Variants in CDH18 observed in about 807,000 individuals in gnomAD.
The protein encoded by CDH18 is cadherin 18, also known as cadherin-18.
Under a neutral mutation model 67.9 loss-of-function variants are expected in CDH18, and 31 were observed. The ratio of observed to expected loss-of-function variants is 0.46; its 90% CI spans 0.34 to 0.62. The LOEUF (loss-of-function observed/expected upper bound fraction) is 0.62, where lower values mean the gene tolerates loss of function less well. Among genes scored for constraint, CDH18 ranks in the 20% least tolerant of loss-of-function variants. The probability of loss-of-function intolerance (pLI) is 0.01; values close to 1 mark genes in which losing one functional copy is unlikely to be tolerated. For synonymous variants in CDH18, 362 were observed against 347.2 expected, an observed-to-expected ratio of 1.04 and a Z score of -0.48; for missense variants, 890 against 975.5, an observed-to-expected ratio of 0.91 and a Z score of 1.17.
chr5:19,536,800 C>A (rs1281750622), intron 9 of CDH18, among the ~76,000 whole-genome samples: 1 of 152,062 alleles, frequency 6.6e-6, no homozygotes, highest in Non-Finnish European at 1.5e-5. Flanking sequence ...TATTTGTTCC[C>A]ATGGAACACA....
At chr5:19,480,042 G>T (rs1021213727) in intron 12 of CDH18, among the ~76,000 whole-genome samples, 2 of 151,942 alleles carry the variant, frequency 1.3e-5, no homozygotes, top group Non-Finnish European at 2.9e-5. Context: ...TTACATTTTT[G>T]ATATTTATCT....
chr5:20,185,083 T>A (rs2126697507), intron 2 of CDH18, among the ~76,000 whole-genome samples: 1 of 152,198 alleles, frequency 6.6e-6, no homozygotes, highest in South Asian at 2.1e-4. Context: ...CTAAAAAATT[T>A]CCAATAAATA....
chr5:20,314,860 AATG>A (rs1737323270), intron 1 of CDH18, among the ~76,000 whole-genome samples: 1 of 151,562 alleles, frequency 6.6e-6, no homozygotes, highest in Non-Finnish European at 1.5e-5. Context: ...TGTATACAAA[AATG>A]ATGAGAAATT....
At chr5:20,470,417 T>C (rs956586324) in intron 1 of CDH18, among the ~76,000 whole-genome samples, 6 of 152,216 alleles carry the variant, frequency 3.9e-5, no homozygotes, top group Admixed American at 2.0e-4. Context: ...CTTTAATCTT[T>C]AAGGTAATTC....
intron 2 of CDH18, among the ~76,000 whole-genome samples, chr5:19,950,050 A>C (rs1487404772): frequency 1.3e-5 from 2 of 151,236 alleles, no homozygotes; most frequent in African/African-American, 4.8e-5. Flanking sequence ...AATAAATATG[A>C]GATATATACA....
chr5:19,642,779 A>T (rs1484997558), intron 5 of CDH18, among the ~76,000 whole-genome samples: 1 of 152,036 alleles, frequency 6.6e-6, no homozygotes, highest in Non-Finnish European at 1.5e-5. Context: ...ATTTTTTTGG[A>T]TAATTACCCC....
intron 2 of CDH18, among the ~76,000 whole-genome samples, chr5:20,169,087 G>A (rs920890929): frequency 2.0e-5 from 3 of 152,072 alleles, no homozygotes; most frequent in South Asian, 2.1e-4. Context: ...AAAGATGACT[G>A]TAGTGAATAA....
intron 6 of CDH18, among the ~76,000 whole-genome samples, chr5:19,602,386 T>C (rs1747282408): frequency 6.6e-6 from 1 of 152,026 alleles, no homozygotes; most frequent in African/African-American, 2.4e-5. Context: ...ATGTGTGCAC[T>C]GACAATGACA....
chr5:20,303,732 A>T (rs1259216275), intron 1 of CDH18, among the ~76,000 whole-genome samples: 1 of 152,146 alleles, frequency 6.6e-6, no homozygotes, highest in African/African-American at 2.4e-5. Context: ...CCTTTGGGAA[A>T]GCGAATTGAT....
chr5:19,970,387 T>G (rs1797908734), intron 2 of CDH18, among the ~76,000 whole-genome samples: 1 of 151,686 alleles, frequency 6.6e-6, no homozygotes, highest in Non-Finnish European at 1.5e-5. Context: ...AAAATTAAAT[T>G]TAGCAATAAG....
chr5:19,628,583 A>T (rs1336824822), intron 5 of CDH18, among the ~76,000 whole-genome samples: 1 of 152,112 alleles, frequency 6.6e-6, no homozygotes, highest in Non-Finnish European at 1.5e-5. Flanking sequence ...GGAATGAAGG[A>T]TGATCCAAAG....
chr5:20,006,789 AAT>A (rs1349368038), intron 2 of CDH18, among the ~76,000 whole-genome samples: 6 of 151,996 alleles, frequency 3.9e-5, no homozygotes, highest in Non-Finnish European at 4.4e-5. Context: ...AATTTTATAA[AAT>A]ATGTTAAAAA....
At chr5:20,361,658 C>T (rs532097495) in intron 1 of CDH18, among the ~76,000 whole-genome samples, 6 of 152,120 alleles carry the variant, frequency 3.9e-5, no homozygotes, top group African/African-American at 1.4e-4. Flanking sequence ...GGGAGTTATA[C>T]TGGCAAATAT....
intron 2 of CDH18, among the ~76,000 whole-genome samples, chr5:20,209,435 C>T (rs1175579154): frequency 6.6e-6 from 1 of 151,968 alleles, no homozygotes; most frequent in Non-Finnish European, 1.5e-5. Flanking sequence ...TAGTGAAATC[C>T]TGTCATTTGC....
At chr5:19,962,792 C>T (rs1056955437) in intron 2 of CDH18, among the ~76,000 whole-genome samples, 6 of 151,942 alleles carry the variant, frequency 3.9e-5, no homozygotes, top group African/African-American at 9.7e-5. Flanking sequence ...TAAATAAATA[C>T]ATCTTAAGGA....
At chr5:19,500,129 A>G (rs1232153271) in intron 11 of CDH18, among the ~76,000 whole-genome samples, 5 of 151,936 alleles carry the variant, frequency 3.3e-5, no homozygotes, top group African/African-American at 1.2e-4. Context: ...TACATAATAC[A>G]AAGCCCAAGC....
At chr5:19,947,824 T>G (rs1795425940) in intron 2 of CDH18, among the ~76,000 whole-genome samples, 1 of 151,810 alleles carries the variant, frequency 6.6e-6, no homozygotes, top group South Asian at 2.1e-4. Context: ...GTTAGCAGGC[T>G]AAAGAGACAG....
intron 2 of CDH18, among the ~76,000 whole-genome samples, chr5:20,138,130 T>G (rs778004665): frequency 6.6e-6 from 1 of 152,092 alleles, no homozygotes; most frequent in Non-Finnish European, 1.5e-5. Flanking sequence ...TCTAGTTGGC[T>G]TCATCCCTGG....
chr5:19,687,796 T>G (rs1020487006), intron 5 of CDH18, among the ~76,000 whole-genome samples: 2 of 152,120 alleles, frequency 1.3e-5, no homozygotes, highest in African/African-American at 4.8e-5. Context: ...AGAAGCAAGG[T>G]CACAACACAT....
Sources: gnomAD v4.1 joint callset for allele counts (sites outside exome capture counted in the v4.1 genomes callset) on GRCh38, gnomAD v4.1.1 for gene constraint, MANE v1.5 for transcripts, NCBI Gene and HGNC (gene_info 2026-07-23, HGNC 2026-07-21) for gene names.